Variants in PDGFRB observed in about 807,000 individuals in gnomAD.
The protein encoded by PDGFRB is platelet-derived growth factor receptor beta.
Under a neutral mutation model 120.2 loss-of-function variants are expected in PDGFRB, and 42 were observed. The observed-to-expected ratio is 0.35, with a 90% CI of 0.27 to 0.45. The LOEUF is 0.45. PDGFRB is among the 20% of genes least tolerant of loss of function. The pLI, the probability that PDGFRB is intolerant of heterozygous loss-of-function variation, is 1.00. For synonymous variants in PDGFRB, 586 were observed against 606.8 expected, an observed-to-expected ratio of 0.97 and a Z score of 0.50; for missense variants, 1,149 against 1,476.3, an observed-to-expected ratio of 0.78 and a Z score of 3.63.
intron 1 of PDGFRB, among the ~76,000 whole-genome samples, chr5:150,140,945 T>A (rs977227432): frequency 1.6e-4 from 24 of 152,176 alleles, no homozygotes; most frequent in African/African-American, 5.1e-4. Flanking sequence ...ACAGCTTCCC[T>A]CCCTCAGGGT....
chr5:150,130,751 C>G (rs572547452), intron 8 of PDGFRB, 89 bp from the exon 9 acceptor site: 1 of 1,146,096 alleles, frequency 8.7e-7, no homozygotes, highest in East Asian at 2.4e-5. Flanking sequence ...CCCAGAGACT[C>G]TCTTGGGGGA....
At chr5:150,154,513 G>A (rs150474473) in intron 1 of PDGFRB, among the ~76,000 whole-genome samples, 65 of 152,312 alleles carry the variant, frequency 4.3e-4, no homozygotes, top group Non-Finnish European at 1.5e-4. Context: ...GCACAGTTGC[G>A]GCGTGCAGTA....
At position 150,140,438 on chromosome 5, in the gene PDGFRB, G is replaced by GGT. The variant is rs1562019440; in HGVS notation, c.-6-3387_-6-3386dup. On this transcript the variant is annotated intron_variant, in intron 1 of 22. Coordinates refer to ENST00000261799, the MANE Select transcript of PDGFRB (RefSeq NM_002609.4). Reference sequence around the variant, plus strand: ...AGCAGAGAGAGGGAGGGCACCCCTAGGTGTCCCCCTTTTGCCCATGAAGAG... The same window carrying GGT: ...AGCAGAGAGAGGGAGGGCACCCCTAGGTGTGTCCCCCTTTTGCCCATGAAGAG... Among the ~76,000 whole-genome samples the GGT allele has an allele frequency of 2.0e-5, 3 of 152,204 alleles. No homozygotes were observed. The South Asian group carries it at 6.2e-4, about 32-fold the overall frequency.
chr5:150,139,438 G>GAAGCTCTGCCTTTCTGACAGGCCAAAGA (rs1159888398), intron 1 of PDGFRB, among the ~76,000 whole-genome samples: 27 of 152,262 alleles, frequency 1.8e-4, no homozygotes, highest in African/African-American at 5.8e-4. Flanking sequence ...TCCCTATGGT[G>GAAGCTCTGCCTTTCTGACAGGCCAAAGA]AAGCTCTGCC....
chr5:150,117,544 G>GCGCA (rs369019315), intron 22 of PDGFRB, 74 bp downstream of exon 22: 421 of 516,278 alleles, frequency 8.2e-4, no homozygotes, highest in African/African-American at 2.8e-3. Context: ...GCGCGCGCGC[G>GCGCA]CACACACACA....
intron 15 of PDGFRB, among the ~76,000 whole-genome samples, chr5:150,122,578 CTT>C (rs1181976912): frequency 1.3e-5 from 2 of 152,244 alleles, no homozygotes; most frequent in Non-Finnish European, 1.5e-5. Flanking sequence ...TGAAGCTACT[CTT>C]GTCTTTGTTT....
At chr5:150,142,604 G>A (rs1218332046) in intron 1 of PDGFRB, among the ~76,000 whole-genome samples, 2 of 150,094 alleles carry the variant, frequency 1.3e-5, no homozygotes, top group Non-Finnish European at 2.9e-5. Flanking sequence ...AGTCCCGGCT[G>A]TGACACCCAC....
In PDGFRB at chr5:150,130,087, TC is replaced by T; in HGVS notation, c.1368-120del. ...CAGTTCCTATGTCCCACTGCCTGTTTCCGAGCGGGCTCCTCCTGTGCTCCCT... is the reference window on the plus strand; with the variant it reads ...CAGTTCCTATGTCCCACTGCCTGTTTCGAGCGGGCTCCTCCTGTGCTCCCT... On this transcript the variant is annotated intron_variant, in intron 9 of 22. Transcript: ENST00000261799. The T allele has an allele frequency of 3.7e-6, 3 of 802,206 alleles. No homozygotes were observed. In the Admixed American group the frequency reaches 5.9e-5, roughly 16 times the overall value. 49.7% of individuals were successfully genotyped at this position (802,206 alleles called of 1,614,324 possible).
At chr5:150,143,305 G>T (rs1760831244) in intron 1 of PDGFRB, among the ~76,000 whole-genome samples, 3 of 152,224 alleles carry the variant, frequency 2.0e-5, no homozygotes, top group Admixed American at 2.0e-4. Context: ...CTACTGTACA[G>T]TCCTGACCCT....
chr5:150,144,653 CT>C (rs1760872388), intron 1 of PDGFRB, among the ~76,000 whole-genome samples: 1 of 152,238 alleles, frequency 6.6e-6, no homozygotes, highest in African/African-American at 2.4e-5. Flanking sequence ...CGGCTGGCTA[CT>C]TGGAACAGTG....
chr5:150,121,960 A>C lies in PDGFRB; in HGVS notation c.2264T>G (p.Leu755Arg), dbSNP rs939822838. Reference protein sequence around the residue: ...KDESVDYVPMLDMKGDVKYAD... With the variant: ...KDESVDYVPMRDMKGDVKYAD... ...ATATTTGACGTCTCCTTTCATGTCC[A>C]GCATGGGCACATAGTCCACCGACTC... Residue 755 changes from leucine (L) to arginine (R), a missense_variant, in exon 16 of 23, where the codon CTG (leucine) becomes CGG (arginine). Leu to Arg is a moderately radical substitution (Grantham distance 102). Around this residue, in one of 3 missense-constraint regions of PDGFRB, gnomAD observed 879 missense variants for 1,108.6 expected, o/e 0.79. Coordinates refer to ENST00000261799, the MANE Select transcript of PDGFRB (RefSeq NM_002609.4). This position sits in a 1 kb window ranked among gnomAD's most constrained non-coding sequence, Gnocchi z 4.1. 1.2e-6 allele frequency: 2 copies of C among 1,613,588 alleles called. No individual in the cohort carries two copies. The highest frequency in any genetic ancestry group is 1.7e-6 in the Non-Finnish European group (2 of 1,179,506).
chr5:150,134,085 G>T, intron 4 of PDGFRB, 77 bp from the exon 5 acceptor site: 2 of 1,290,108 alleles, frequency 1.6e-6, no homozygotes, highest in South Asian at 2.4e-5. Flanking sequence ...ATAGGGTAGG[G>T]GGCTAGAGAG....
chr5:150,134,029 T>C, intron 4 of PDGFRB, 21 bp from the exon 5 acceptor site: 1 of 1,613,508 alleles, frequency 6.2e-7, no homozygotes, highest in Non-Finnish European at 8.5e-7. Flanking sequence ...GAGATTGGCT[T>C]AGGTCTGGGG....
At chr5:150,116,960 G>C (rs553525153) in intron 22 of PDGFRB, among the ~76,000 whole-genome samples, 2 of 152,322 alleles carry the variant, frequency 1.3e-5, no homozygotes, top group East Asian at 3.9e-4. Flanking sequence ...TTCACCTTGG[G>C]CTGGATCTCG....
chr5:150,130,815 C>T (rs748920626), intron 8 of PDGFRB, among the ~76,000 whole-genome samples, 153 bp from the exon 9 acceptor site: 1 of 152,088 alleles, frequency 6.6e-6, no homozygotes, highest in Non-Finnish European at 1.5e-5. Flanking sequence ...GTGTGAAAAC[C>T]GATGGGTTCC....
intron 8 of PDGFRB, among the ~76,000 whole-genome samples, chr5:150,131,027 T>G (rs1027511352): frequency 6.6e-6 from 1 of 152,234 alleles, no homozygotes; most frequent in African/African-American, 2.4e-5. Flanking sequence ...TTTATATTTA[T>G]GACATGTGAT....
chr5:150,131,859 C>T lies in PDGFRB; in HGVS notation c.1243+120G>A. On this transcript the variant is annotated intron_variant, in intron 8 of 22. Transcript: ENST00000261799. Reference sequence around the variant, plus strand: ...TGGGTCAGTGGCCTAGAATCCATCTCCTGAGTTCCAGGCTCCCTCTCCCAC... The same window carrying T: ...TGGGTCAGTGGCCTAGAATCCATCTTCTGAGTTCCAGGCTCCCTCTCCCAC... The T allele has an allele frequency of 1.2e-5, 7 of 575,828 alleles. No individual in the cohort carries two copies. In the South Asian group the frequency reaches 1.5e-4, roughly 12 times the overall value. 35.7% of individuals were successfully genotyped at this position (575,828 alleles called of 1,614,324 possible). A position where few individuals can be genotyped will look rare whatever the true frequency, so the allele number is the denominator to read the frequency against.
Position 150,115,579 on chromosome 5 carries a change from G to T in PDGFRB, c.*184C>A. On this transcript the variant is annotated 3_prime_UTR_variant, in exon 23 of 23. Transcript: ENST00000261799. ...CAGAGGGCTGGTCACGGCCCCTGCA[G>T]TTTTCTTGCCTCCTAAGCCAGCCCC... 2.0e-6 allele frequency: 1 copy of T among 504,692 alleles called. No individual in the cohort carries two copies. The highest frequency in any genetic ancestry group is 3.3e-6 in the Non-Finnish European group (1 of 302,338). The allele number at this position is 504,692 out of a possible 1,614,324, so 31.3% of individuals were successfully genotyped here. A position where few individuals can be genotyped will look rare whatever the true frequency, so the allele number is the denominator to read the frequency against.
chr5:150,139,489 C>CTT (rs139115669), intron 1 of PDGFRB, among the ~76,000 whole-genome samples: 8,341 of 152,096 alleles, frequency 0.055, 767 homozygotes, highest in African/African-American at 0.19. Context: ...CACCACGAAT[C>CTT]TTACCGGGGT....
Sources: allele counts gnomAD v4.1 joint callset (sites outside exome capture counted in the v4.1 genomes callset), GRCh38; gene constraint gnomAD v4.1.1; regional missense constraint gnomAD v4.1.1; non-coding constraint Gnocchi (gnomAD v3.1); transcripts MANE v1.5; gene names NCBI Gene and HGNC (gene_info 2026-07-23, HGNC 2026-07-21).